VSTM2A: variants seen among roughly 807,000 people sequenced by gnomAD.
VSTM2A encodes the protein V-set and transmembrane domain containing 2A.
In VSTM2A, 13 loss-of-function variants were observed where a neutral mutation model predicts 27.3. The ratio of observed to expected loss-of-function variants is 0.48; its 90% confidence interval spans 0.31 to 0.76. The LOEUF (loss-of-function observed/expected upper bound fraction) is 0.76. VSTM2A is among the 30% of genes least tolerant of loss of function. The pLI is 0.05. For missense variants in VSTM2A, 280 were observed against 310.0 expected, an observed-to-expected ratio of 0.90 and a Z score of 0.73; for synonymous variants, 142 against 125.7, an observed-to-expected ratio of 1.13 and a Z score of -0.87.
chr7:54,544,883 C>T, intron 2 of VSTM2A, 95 bp downstream of exon 2: 2 of 1,386,434 alleles, frequency 1.4e-6, no homozygotes, highest in Non-Finnish European at 1.9e-6. Flanking sequence ...GCCTGGACAC[C>T]CCTGGGGACC....
chr7:54,549,421 T>C (rs989482754), intron 3 of VSTM2A, among the ~76,000 whole-genome samples: 2 of 152,202 alleles, frequency 1.3e-5, no homozygotes, highest in Non-Finnish European at 2.9e-5. Context: ...TGTCTCAGAG[T>C]TGAGGGGCTT....
chr7:54,557,316 C>T, intron 4 of VSTM2A: 1 of 68,020 alleles, frequency 1.5e-5, no homozygotes, highest in Non-Finnish European at 3.5e-5. Flanking sequence ...TCCCTCATTT[C>T]TTTCTTTTTT....
Position 54,546,942 on chromosome 7 carries a change from C to T in VSTM2A, c.247-5C>T, listed in dbSNP as rs1481359342. ...CGGGACTGAGCGTTCGCTCCTTGCC[C>T]GCAGGTGGAGCTCTTGCCCGACAGA... On this transcript the variant is annotated splice_region_variant and splice_polypyrimidine_tract_variant and intron_variant, in intron 2 of 4. Coordinates refer to ENST00000402613, the MANE Select transcript of VSTM2A (RefSeq NM_001301009.2). 6 of 1,598,072 alleles carry T rather than the reference C, an allele frequency of 3.8e-6. No individual in the cohort carries two copies. The South Asian group carries it at 6.7e-5, about 18-fold the overall frequency.
intron 2 of VSTM2A, 102 bp from the exon 3 acceptor site, chr7:54,546,845 C>CGCT: frequency 1.6e-5 from 24 of 1,502,018 alleles, no homozygotes; most frequent in Non-Finnish European, 2.0e-5. Flanking sequence ...GTCCCCAGGT[C>CGCT]ACCCTGACGG....
chr7:54,568,983 C>T (rs565076351), intron 4 of VSTM2A, 148 bp from the exon 5 acceptor site: 5 of 1,574,688 alleles, frequency 3.2e-6, no homozygotes, highest in Non-Finnish European at 3.5e-6. Context: ...TCAAGATGAG[C>T]GAATATCTTA....
chr7:54,556,696 G>T (rs971671781), intron 4 of VSTM2A, among the ~76,000 whole-genome samples: 1 of 152,160 alleles, frequency 6.6e-6, no homozygotes. Context: ...GGATAATACA[G>T]GCCAAGGAAT....
At chr7:54,557,670 T>C (rs1030047178) in intron 4 of VSTM2A, among the ~76,000 whole-genome samples, 1 of 152,168 alleles carries the variant, frequency 6.6e-6, no homozygotes, top group African/African-American at 2.4e-5. Context: ...TATACTATAA[T>C]CCTCACAGGG....
At chr7:54,554,409 C>A (rs986466859) in intron 4 of VSTM2A, among the ~76,000 whole-genome samples, 7 of 152,178 alleles carry the variant, frequency 4.6e-5, no homozygotes, top group Admixed American at 3.9e-4. Context: ...GTTCGAGTCA[C>A]CTTTGTACTT....
At chr7:54,546,846 A>C in intron 2 of VSTM2A, 101 bp from the exon 3 acceptor site, 14 of 1,466,346 alleles carry the variant, frequency 9.5e-6, no homozygotes, top group Non-Finnish European at 1.1e-5. Context: ...TCCCCAGGTC[A>C]CCCTGACGGC....
intron 4 of VSTM2A, 66 bp from the exon 5 acceptor site, chr7:54,569,065 G>C: frequency 6.2e-7 from 1 of 1,606,724 alleles, no homozygotes; most frequent in Non-Finnish European, 8.5e-7. Flanking sequence ...TTGTGGCTTT[G>C]TGAAGGGTGC....
At chr7:54,567,727 G>T (rs774223499) in intron 4 of VSTM2A, among the ~76,000 whole-genome samples, 35 of 151,716 alleles carry the variant, frequency 2.3e-4, no homozygotes, top group Non-Finnish European at 1.9e-4. Flanking sequence ...AAGTACTATT[G>T]CCTATTTGGG....
In VSTM2A at chr7:54,542,408, A is replaced by G. The variant is rs1787810120; in HGVS notation, c.-323A>G. ...AGCCGGCTCCGTGTTTAGGGAGGGCAGTGATCACGCAAGCCGGAGCGGCGG... is the reference window on the plus strand; with the variant it reads ...AGCCGGCTCCGTGTTTAGGGAGGGCGGTGATCACGCAAGCCGGAGCGGCGG... On this transcript the variant is annotated 5_prime_UTR_variant, in exon 1 of 5. Coordinates refer to ENST00000402613, the MANE Select transcript of VSTM2A (RefSeq NM_001301009.2). 4.8e-6 allele frequency: 2 copies of G among 415,604 alleles called. No individual in the cohort carries two copies. Among genetic ancestry groups the G allele is most frequent in the African/African-American group, 4.1e-5 (2 of 49,108 alleles). 25.7% of individuals were successfully genotyped at this position (415,604 alleles called of 1,614,324 possible).
At chr7:54,543,051 C>T (rs1011838798) in intron 1 of VSTM2A, among the ~76,000 whole-genome samples, 3 of 152,016 alleles carry the variant, frequency 2.0e-5, no homozygotes, top group African/African-American at 4.8e-5. Flanking sequence ...AGCACAAACA[C>T]AGGGTCGTGT....
At chr7:54,546,833 C>A in intron 2 of VSTM2A, 114 bp from the exon 3 acceptor site, 1 of 1,438,166 alleles carries the variant, frequency 7.0e-7, no homozygotes, top group South Asian at 1.3e-5. Flanking sequence ...GGTCGCTCCC[C>A]TGTCCCCAGG....
chr7:54,544,944 G>A (rs1028724618), intron 2 of VSTM2A, among the ~76,000 whole-genome samples, 156 bp downstream of exon 2: 5 of 152,146 alleles, frequency 3.3e-5, no homozygotes, highest in African/African-American at 1.2e-4. Context: ...GGGAGGGAAA[G>A]GGAATTTGTC....
intron 2 of VSTM2A, among the ~76,000 whole-genome samples, chr7:54,545,118 C>A (rs563919525): frequency 1.3e-5 from 2 of 152,124 alleles, no homozygotes; most frequent in East Asian, 3.9e-4. Context: ...CTTTCCAGGA[C>A]GAAAGGAGGG....
At chr7:54,565,704 C>T (rs1024195115) in intron 4 of VSTM2A, among the ~76,000 whole-genome samples, 9 of 152,222 alleles carry the variant, frequency 5.9e-5, no homozygotes, top group Non-Finnish European at 8.8e-5. Context: ...ACACCATTTC[C>T]GCCAGACTGC....
intron 2 of VSTM2A, 165 bp from the exon 3 acceptor site, chr7:54,546,782 G>A (rs1010441384): frequency 5.8e-6 from 4 of 692,336 alleles, no homozygotes; most frequent in African/African-American, 1.9e-5. Flanking sequence ...ACAGCGTGGG[G>A]GCGGTGCGGT....
At chr7:54,550,818 G>A (rs910730310) in intron 4 of VSTM2A, 1 of 152,944 alleles carries the variant, frequency 6.5e-6, no homozygotes, top group Non-Finnish European at 1.5e-5. Context: ...GTTCTGAATG[G>A]CATTAATGTA....
Sources: allele counts gnomAD v4.1 joint callset (sites outside exome capture counted in the v4.1 genomes callset), GRCh38; gene constraint gnomAD v4.1.1; transcripts MANE v1.5; gene names NCBI Gene and HGNC (gene_info 2026-07-23, HGNC 2026-07-21).